FIG4: variants seen among roughly 807,000 people sequenced by gnomAD.
FIG4 encodes the protein FIG4 phosphoinositide 5-phosphatase.
A neutral mutation model predicts 118.6 loss-of-function variants in FIG4; 112 were observed. The ratio of observed to expected loss-of-function variants is 0.94; its 90% CI spans 0.81 to 1.11. The LOEUF is 1.11. Among genes scored for constraint, FIG4 ranks in the 50% least tolerant of loss-of-function variants. The probability of loss-of-function intolerance (pLI) is 0.00; values close to 1 mark genes in which losing one functional copy is unlikely to be tolerated. For synonymous variants in FIG4, 369 were observed against 381.2 expected, an observed-to-expected ratio of 0.97 and a Z score of 0.37; for missense variants, 969 against 1,111.7, an observed-to-expected ratio of 0.87 and a Z score of 1.83.
rs768939677 is a variant in FIG4, at chr6:109,735,208, CT to C, written c.557del (p.Leu186ArgfsTer4). ...TAATCTCACTGTCTTGCGAATGCCC[CT>C]GGAGATGTTAAAGTCAGAAATGACC... ...QYNLTVLRMP[L>X]EMLKSEMTQN... On this transcript the variant is annotated frameshift_variant, in exon 6 of 23. Transcript: ENST00000230124. LOFTEE classifies it high-confidence loss of function. 6.2e-7 allele frequency: 1 copy of C among 1,612,812 alleles called. No homozygotes were observed. The highest frequency in any genetic ancestry group is 8.5e-7 in the Non-Finnish European group (1 of 1,179,008).
intron 3 of FIG4, among the ~76,000 whole-genome samples, 186 bp downstream of exon 3, chr6:109,716,754 G>T (rs1775443161): frequency 6.6e-6 from 1 of 152,170 alleles, no homozygotes; most frequent in Non-Finnish European, 1.5e-5. Flanking sequence ...ATCTGCTTAT[G>T]CACTTAGCAC....
intron 3 of FIG4, among the ~76,000 whole-genome samples, chr6:109,718,741 C>T (rs994485385): frequency 3.9e-5 from 6 of 151,964 alleles, no homozygotes; most frequent in Admixed American, 3.9e-4. Flanking sequence ...GTATGTGTCA[C>T]GTGAGTTCAT....
At chr6:109,731,203 G>C (rs530233647) in intron 4 of FIG4, among the ~76,000 whole-genome samples, 5 of 152,160 alleles carry the variant, frequency 3.3e-5, no homozygotes, top group Non-Finnish European at 7.3e-5. Context: ...AGAGATGTGG[G>C]AAATGAGTTG....
intron 10 of FIG4, among the ~76,000 whole-genome samples, chr6:109,753,120 G>C (rs1776763836): frequency 6.6e-6 from 1 of 152,038 alleles, no homozygotes; most frequent in Admixed American, 6.6e-5. Flanking sequence ...GCTTGTTTTT[G>C]TCAGATTTGT....
At position 109,741,484 on chromosome 6, in the gene FIG4, A is replaced by G. The variant is rs1377616152; in HGVS notation, c.816A>G (p.Ile272Met). The G allele has an allele frequency of 1.9e-6, 3 of 1,613,440 alleles. No homozygotes were observed. The South Asian group carries it at 3.3e-5, about 18-fold the overall frequency. The change falls in exon 8 of 23, where the codon ATA becomes ATG. Residue 272 changes from isoleucine (I) to methionine (M), a missense_variant. Physicochemically the swap from Ile to Met is conservative, Grantham distance 10. Transcript: ENST00000230124. ...GACGACCAGTGTATGTCACTCTAAT[A>G]GCTAGAAGATCCAGTAAATTTGCTG... ...IYGRPVYVTLIARRSSKFAGT... is the reference protein window; with the variant it reads ...IYGRPVYVTLMARRSSKFAGT...
At chr6:109,730,898 A>G (rs1207130923) in intron 4 of FIG4, among the ~76,000 whole-genome samples, 1 of 152,126 alleles carries the variant, frequency 6.6e-6, no homozygotes, top group Non-Finnish European at 1.5e-5. Context: ...TGATACTGTA[A>G]ATATTCAAAA....
chr6:109,743,853 C>T lies in FIG4; in HGVS notation c.1137+81C>T. ...CCTCAACACAGAGGGGGTTAACAAGCCATGCTTTCCCTCTTCCTAGTGGAG... is the reference window on the plus strand; with the variant it reads ...CCTCAACACAGAGGGGGTTAACAAGTCATGCTTTCCCTCTTCCTAGTGGAG... On this transcript the variant is annotated intron_variant, in intron 10 of 22. Transcript: ENST00000230124. The T allele has an allele frequency of 4.5e-6, 4 of 887,756 alleles. 1 individual carries two copies. Among genetic ancestry groups the T allele is most frequent in the South Asian group, 3.9e-5 (3 of 76,236 alleles). 55.0% of individuals were successfully genotyped at this position (887,756 alleles called of 1,614,324 possible).
At chr6:109,730,335 C>T (rs1775959198) in intron 4 of FIG4, among the ~76,000 whole-genome samples, 1 of 152,142 alleles carries the variant, frequency 6.6e-6, no homozygotes, top group Admixed American at 6.5e-5. Flanking sequence ...AGACATGAGC[C>T]ACAGGGCCTG....
chr6:109,728,678 G>A (rs577853138), intron 4 of FIG4, among the ~76,000 whole-genome samples: 2 of 152,080 alleles, frequency 1.3e-5, no homozygotes, highest in African/African-American at 4.8e-5. Context: ...TTCATTTGAG[G>A]ATAAGTACAG....
chr6:109,772,691 G>T (rs574769140), intron 15 of FIG4, among the ~76,000 whole-genome samples: 14 of 152,112 alleles, frequency 9.2e-5, no homozygotes, highest in Non-Finnish European at 1.9e-4. Context: ...GACCTCAGGT[G>T]ATCTGCCCGC....
intron 15 of FIG4, among the ~76,000 whole-genome samples, chr6:109,771,759 A>G (rs968207875): frequency 2.0e-5 from 3 of 152,154 alleles, no homozygotes; most frequent in Admixed American, 6.5e-5. Context: ...TTGTATTACA[A>G]TGCTTGTGGT....
intron 22 of FIG4, among the ~76,000 whole-genome samples, chr6:109,814,928 C>G (rs1335944043): frequency 6.6e-6 from 1 of 151,858 alleles, no homozygotes; most frequent in Non-Finnish European, 1.5e-5. Flanking sequence ...CAGGCCCACT[C>G]AAAAAACATT....
intron 16 of FIG4, among the ~76,000 whole-genome samples, chr6:109,781,753 T>C (rs1777810243): frequency 1.4e-5 from 1 of 70,088 alleles, no homozygotes; most frequent in Non-Finnish European, 5.2e-5. Flanking sequence ...TAATGAATAC[T>C]TCTAGCTTTA....
At chr6:109,748,069 C>T (rs1412065329) in intron 10 of FIG4, among the ~76,000 whole-genome samples, 1 of 152,092 alleles carries the variant, frequency 6.6e-6, no homozygotes, top group Non-Finnish European at 1.5e-5. Context: ...GAATGGTCAT[C>T]TGCTGAGAGT....
At chr6:109,697,881 A>G (rs1774777815) in intron 1 of FIG4, among the ~76,000 whole-genome samples, 1 of 126,774 alleles carries the variant, frequency 7.9e-6, no homozygotes, top group African/African-American at 3.1e-5. Flanking sequence ...AACTCTTTCC[A>G]TTGATCAATT....
rs776413294 is a variant in FIG4 at position 109,776,913 on chromosome 6, G to A, written c.1751-9G>A. The A allele has an allele frequency of 3.7e-6, 6 of 1,607,728 alleles. No homozygotes were observed. The highest frequency in any genetic ancestry group is 1.7e-5 in the Admixed American group (1 of 59,996). Reference sequence around the variant, plus strand: ...ATGGATTTTCTGAAATATATATTTTGCTTTTTAGATGCCGATAGACAAGAT... The same window carrying A: ...ATGGATTTTCTGAAATATATATTTTACTTTTTAGATGCCGATAGACAAGAT... On this transcript the variant is annotated splice_polypyrimidine_tract_variant and intron_variant, in intron 15 of 22. Transcript: ENST00000230124.
At chr6:109,697,909 G>A (rs1774779605) in intron 1 of FIG4, among the ~76,000 whole-genome samples, 1 of 145,724 alleles carries the variant, frequency 6.9e-6, no homozygotes, top group Non-Finnish European at 1.5e-5. Context: ...TTTTTTCTAA[G>A]ACGGTGATTT....
rs974839260 is a variant in FIG4, at chr6:109,778,649, A to C, written c.1889+1589A>C. Among the ~76,000 whole-genome samples, 176 of 151,624 alleles carry C rather than the reference A, an allele frequency of 1.2e-3. 2 individuals carry two copies. The highest frequency in any genetic ancestry group is 3.2e-4 in the Non-Finnish European group (22 of 67,882). ...AGCCTCACTCTGTGGCCCAGGCTGG[A>C]GTGCAGTGGCGCGATCTCAGCTCAC... On this transcript the variant is annotated intron_variant, in intron 16 of 22. Transcript: ENST00000230124.
chr6:109,708,286 C>T (rs1355151696), intron 1 of FIG4, among the ~76,000 whole-genome samples: 2 of 152,194 alleles, frequency 1.3e-5, no homozygotes, highest in Non-Finnish European at 2.9e-5. Flanking sequence ...CAGCTCCATC[C>T]ATGTTCCTGC....
Sources: gnomAD v4.1 joint callset for allele counts (sites outside exome capture counted in the v4.1 genomes callset) on GRCh38, gnomAD v4.1.1 for gene constraint, MANE v1.5 for transcripts, NCBI Gene and HGNC (gene_info 2026-07-23, HGNC 2026-07-21) for gene names.